HELB: variants seen among roughly 807,000 people sequenced by gnomAD.
HELB encodes the protein DNA helicase B.
Under a neutral mutation model 101.7 loss-of-function variants are expected in HELB, and 96 were observed. The ratio of observed to expected loss-of-function variants is 0.94; its 90% CI spans 0.80 to 1.12. HELB has a LOEUF of 1.12. Among genes scored for constraint, HELB ranks in the 50% most tolerant of loss-of-function variants. The pLI, the probability that HELB is intolerant of heterozygous loss-of-function variation, is 0.00. For synonymous variants in HELB, 437 were observed against 459.7 expected, an observed-to-expected ratio of 0.95 and a Z score of 0.63; for missense variants, 1,210 against 1,291.9, an observed-to-expected ratio of 0.94 and a Z score of 0.97.
chr12:66,318,551 T>G (rs1265094222), intron 6 of HELB, 87 bp from the exon 7 acceptor site: 1 of 1,214,200 alleles, frequency 8.2e-7, no homozygotes, highest in Non-Finnish European at 1.1e-6. Flanking sequence ...TAGATACTAA[T>G]TATTATAAGG....
chr12:66,306,940 T>A (rs1565635445), intron 3 of HELB, among the ~76,000 whole-genome samples: 1 of 152,200 alleles, frequency 6.6e-6, no homozygotes, highest in Non-Finnish European at 1.5e-5. Flanking sequence ...ATTGACAATT[T>A]TCATTATTCA....
intron 12 of HELB, 48 bp from the exon 13 acceptor site, chr12:66,337,949 GACTA>G (rs2053883917): frequency 9.6e-7 from 1 of 1,038,170 alleles, no homozygotes; most frequent in Non-Finnish European, 1.5e-6. Context: ...ACGTAGGGTA[GACTA>G]ACTACATTTT....
chr12:66,340,332 T>A (rs1377886585), downstream of HELB: 3 of 152,228 alleles, frequency 2.0e-5, no homozygotes, highest in Non-Finnish European at 4.4e-5. Flanking sequence ...GAAGTAGTAT[T>A]TCATTGTGGT....
downstream of HELB, chr12:66,343,041 A>T (rs1161544408): frequency 6.6e-6 from 1 of 152,108 alleles, no homozygotes; most frequent in Non-Finnish European, 1.5e-5. Flanking sequence ...TTATTATTGT[A>T]GCTTTGTAGA....
intron 6 of HELB, among the ~76,000 whole-genome samples, chr12:66,317,855 CT>C: frequency 6.6e-6 from 1 of 152,214 alleles, no homozygotes. Context: ...TTCCTTTCCA[CT>C]TTTGTTTGGG....
At chr12:66,343,142 G>A (rs1383403516), downstream of HELB, 4 of 152,140 alleles carry the variant, frequency 2.6e-5, no homozygotes, top group African/African-American at 9.7e-5. Context: ...ATTTCCATAT[G>A]AATTTTAGGA....
At chr12:66,340,202 C>T (rs887648614), downstream of HELB, 3 of 152,152 alleles carry the variant, frequency 2.0e-5, no homozygotes, top group Non-Finnish European at 4.4e-5. Flanking sequence ...CAGACTTTTT[C>T]CAAACTAGCT....
chr12:66,328,693 G>A (rs1446789688), intron 11 of HELB, among the ~76,000 whole-genome samples: 1 of 152,098 alleles, frequency 6.6e-6, no homozygotes, highest in Admixed American at 6.6e-5. Flanking sequence ...AATAGATTAA[G>A]TATTTCTGAT....
intron 7 of HELB, among the ~76,000 whole-genome samples, chr12:66,320,139 T>C (rs1191914501): frequency 6.6e-6 from 1 of 152,092 alleles, no homozygotes; most frequent in East Asian, 1.9e-4. Flanking sequence ...CTGATTAAAT[T>C]TGTTGCAAGA....
downstream of HELB, chr12:66,342,802 C>T (rs58654144): frequency 6.6e-6 from 1 of 151,982 alleles, no homozygotes; most frequent in Admixed American, 6.6e-5. Context: ...TCAAGCAATT[C>T]TCATGCCTCA....
chr12:66,322,917 A>G (rs765039941), intron 9 of HELB, 134 bp downstream of exon 9: 6 of 519,300 alleles, frequency 1.2e-5, no homozygotes, highest in Admixed American at 6.6e-5. Flanking sequence ...GTGAAATAGA[A>G]TGATCTCTTC....
chr12:66,310,697 CTG>C, intron 4 of HELB, 89 bp downstream of exon 4: 1 of 1,169,378 alleles, frequency 8.6e-7, no homozygotes, highest in Admixed American at 2.2e-5. Flanking sequence ...TTTTGGGAGA[CTG>C]AGGCGGGCAG....
chr12:66,323,363 G>C (rs1050244071), intron 9 of HELB, among the ~76,000 whole-genome samples: 8 of 152,120 alleles, frequency 5.3e-5, no homozygotes, highest in African/African-American at 1.9e-4. Context: ...ATGGGCTTGA[G>C]GCCATGTACC....
chr12:66,330,204 C>T (rs988525343), intron 11 of HELB, among the ~76,000 whole-genome samples: 4 of 152,130 alleles, frequency 2.6e-5, no homozygotes, highest in African/African-American at 9.7e-5. Context: ...CTAAGAATAG[C>T]CCTCAAACTT....
chr12:66,336,709 A>G (rs2053869754), intron 12 of HELB, among the ~76,000 whole-genome samples: 1 of 152,290 alleles, frequency 6.6e-6, no homozygotes, highest in Middle Eastern at 3.4e-3. Flanking sequence ...TTAGGAGACT[A>G]CAGATGTAGA....
chr12:66,334,011 T>G (rs1216154715), intron 12 of HELB, among the ~76,000 whole-genome samples: 4 of 148,998 alleles, frequency 2.7e-5, no homozygotes, highest in Non-Finnish European at 5.9e-5. Flanking sequence ...AATACAAAAG[T>G]TAACTGGGCA....
chr12:66,321,911 G>T (rs1188892040), intron 7 of HELB, 37 bp from the exon 8 acceptor site: 2 of 771,990 alleles, frequency 2.6e-6, no homozygotes, highest in Admixed American at 2.1e-5. Context: ...ATAATTTGGT[G>T]ATTTGCTGTG....
chr12:66,309,089 C>T (rs1206617723), intron 3 of HELB, among the ~76,000 whole-genome samples: 1 of 152,114 alleles, frequency 6.6e-6, no homozygotes, highest in African/African-American at 2.4e-5. Context: ...TGATACACAC[C>T]GAGTTCAACA....
At chr12:66,328,536 C>A (rs1003357953) in intron 11 of HELB, among the ~76,000 whole-genome samples, 1 of 152,022 alleles carries the variant, frequency 6.6e-6, no homozygotes, top group South Asian at 2.1e-4. Context: ...CAGAGTGAGA[C>A]CCTCTCTCAA....
Sources: gnomAD v4.1 joint callset for allele counts (sites outside exome capture counted in the v4.1 genomes callset) on GRCh38, gnomAD v4.1.1 for gene constraint, MANE v1.5 for transcripts, NCBI Gene and HGNC (gene_info 2026-07-23, HGNC 2026-07-21) for gene names.